Variants in IFT81 observed in about 807,000 individuals in gnomAD.
IFT81 encodes intraflagellar transport 81, also known as intraflagellar transport protein 81 homolog.
Under a neutral mutation model 102.6 loss-of-function variants are expected in IFT81, and 72 were observed. The observed-to-expected ratio is 0.70, with a 90% confidence interval of 0.58 to 0.85. The LOEUF (loss-of-function observed/expected upper bound fraction) is 0.85. Ranked by LOEUF, IFT81 falls within the 40% of genes least tolerant of loss-of-function variation. The pLI, the probability that IFT81 is intolerant of heterozygous loss-of-function variation, is 0.00. For synonymous variants in IFT81, 237 were observed against 242.7 expected (o/e 0.98, Z 0.22); for missense variants, 723 against 787.3 (o/e 0.92, Z 0.98).
intron 11 of IFT81, among the ~76,000 whole-genome samples, chr12:110,176,712 G>A (rs1428842697): frequency 6.6e-6 from 1 of 152,142 alleles, no homozygotes; most frequent in Non-Finnish European, 1.5e-5. Flanking sequence ...GCCACCTATT[G>A]CTTAATCGTA....
chr12:110,172,922 C>A (rs759742853), intron 11 of IFT81, among the ~76,000 whole-genome samples: 1 of 147,220 alleles, frequency 6.8e-6, no homozygotes, highest in African/African-American at 2.5e-5. Context: ...GCCCGGCAGC[C>A]GCCCCGTCCG....
intron 10 of IFT81, among the ~76,000 whole-genome samples, chr12:110,152,399 T>G (rs1251332160): frequency 6.6e-6 from 1 of 152,202 alleles, no homozygotes; most frequent in African/African-American, 2.4e-5. Context: ...CCTTGATGAT[T>G]AGGGATGCTG....
rs560728600 is a variant in IFT81 at position 110,199,738 on chromosome 12, T to C, written c.1558-4126T>C. Among the ~76,000 whole-genome samples the C allele has an allele frequency of 2.0e-5, 3 of 152,242 alleles. No individual in the cohort carries two copies. In the East Asian group the frequency reaches 5.8e-4, roughly 29 times the overall value. ...CTTCCAACAATCTTTTATTCTGTACTAGTGACCCCAGCCCAGATGCAGTCC... is the reference window on the plus strand; with the variant it reads ...CTTCCAACAATCTTTTATTCTGTACCAGTGACCCCAGCCCAGATGCAGTCC... On this transcript the variant is annotated intron_variant, in intron 14 of 18. Coordinates refer to ENST00000242591, the MANE Select transcript of IFT81 (RefSeq NM_014055.4).
chr12:110,142,805 A>C (rs1301011987), intron 8 of IFT81, among the ~76,000 whole-genome samples: 2 of 152,174 alleles, frequency 1.3e-5, no homozygotes, highest in African/African-American at 2.4e-5. Flanking sequence ...CAGGAGGCTA[A>C]GGTGGGAGGA....
At chr12:110,207,556 CTTTT>C (rs896586216) in intron 17 of IFT81, among the ~76,000 whole-genome samples, 1 of 97,188 alleles carries the variant, frequency 1.0e-5, no homozygotes, top group African/African-American at 4.0e-5. Flanking sequence ...GTCCTTCAGT[CTTTT>C]TTTTTTTTTT....
At chr12:110,185,840 T>C (rs1201814161) in intron 12 of IFT81, among the ~76,000 whole-genome samples, 1 of 151,914 alleles carries the variant, frequency 6.6e-6, no homozygotes, top group African/African-American at 2.4e-5. Context: ...GCTCAGGCAA[T>C]CCTCCTACCT....
chr12:110,170,143 T>G (rs1032229234), intron 11 of IFT81, among the ~76,000 whole-genome samples: 2 of 151,540 alleles, frequency 1.3e-5, no homozygotes, highest in African/African-American at 4.8e-5. Flanking sequence ...TTAGTAGAGA[T>G]GGGGTTTCAC....
At chr12:110,129,161 T>C in intron 4 of IFT81, 31 bp downstream of exon 4, 1 of 1,466,892 alleles carries the variant, frequency 6.8e-7, no homozygotes, top group Non-Finnish European at 9.3e-7. Context: ...ACATTGAAAC[T>C]GTAATGGATT....
At chr12:110,144,052 C>T (rs1895049624) in intron 9 of IFT81, among the ~76,000 whole-genome samples, 2 of 144,362 alleles carry the variant, frequency 1.4e-5, no homozygotes, top group South Asian at 4.4e-4. Context: ...CTCTGTTGCC[C>T]AGGCTAGAGT....
intron 5 of IFT81, among the ~76,000 whole-genome samples, chr12:110,132,970 CTTTT>C (rs11349893): frequency 4.8e-5 from 6 of 124,916 alleles, no homozygotes; most frequent in South Asian, 2.4e-4. Flanking sequence ...CTTTCTCTCT[CTTTT>C]TTTTTTTTTT....
intron 18 of IFT81, among the ~76,000 whole-genome samples, chr12:110,212,885 A>G (rs1347369771): frequency 6.6e-6 from 1 of 152,138 alleles, no homozygotes; most frequent in African/African-American, 2.4e-5. Flanking sequence ...TTTCAAAACT[A>G]TATTTTAATC....
chr12:110,183,674 G>A (rs1413461453), intron 12 of IFT81, among the ~76,000 whole-genome samples: 7 of 152,136 alleles, frequency 4.6e-5, no homozygotes, highest in Non-Finnish European at 8.8e-5. Flanking sequence ...TATACTTAGT[G>A]CCTACTCCCA....
chr12:110,159,640 T>C (rs1896034038), intron 10 of IFT81, among the ~76,000 whole-genome samples: 1 of 152,214 alleles, frequency 6.6e-6, no homozygotes, highest in African/African-American at 2.4e-5. Flanking sequence ...ATAATTCCTC[T>C]AGAAGTCACT....
At chr12:110,183,582 G>A (rs1297867984) in intron 12 of IFT81, among the ~76,000 whole-genome samples, 3 of 152,208 alleles carry the variant, frequency 2.0e-5, no homozygotes, top group Admixed American at 1.3e-4. Context: ...ACATCTGCTG[G>A]CCAAATCATC....
intron 5 of IFT81, 106 bp downstream of exon 5, chr12:110,132,742 A>G: frequency 1.8e-6 from 1 of 564,580 alleles, no homozygotes; most frequent in Non-Finnish European, 3.2e-6. Flanking sequence ...GAGACTAGTG[A>G]TAGCAAATGG....
At chr12:110,183,423 G>A (rs928687706) in intron 12 of IFT81, among the ~76,000 whole-genome samples, 1 of 152,172 alleles carries the variant, frequency 6.6e-6, no homozygotes, top group Non-Finnish European at 1.5e-5. Flanking sequence ...CAGGTCAGAC[G>A]TTTGATATTG....
chr12:110,179,457 C>T (rs974331890), intron 11 of IFT81, among the ~76,000 whole-genome samples: 58 of 151,968 alleles, frequency 3.8e-4, no homozygotes, highest in African/African-American at 1.4e-3. Flanking sequence ...CACGGTGACT[C>T]ATGCCTGTAA....
At chr12:110,215,412 G>C (rs373254406) in intron 18 of IFT81, among the ~76,000 whole-genome samples, 4 of 139,684 alleles carry the variant, frequency 2.9e-5, no homozygotes, top group African/African-American at 1.1e-4. Flanking sequence ...GATTATGAAT[G>C]AATTCCTTTC....
At chr12:110,209,281 G>C in intron 18 of IFT81, 65 bp downstream of exon 18, 1 of 676,738 alleles carries the variant, frequency 1.5e-6, no homozygotes, top group East Asian at 3.0e-5. Context: ...ACTGTACATG[G>C]TTTATGACTG....
Sources: allele counts gnomAD v4.1 joint callset (sites outside exome capture counted in the v4.1 genomes callset), GRCh38; gene constraint gnomAD v4.1.1; transcripts MANE v1.5; gene names NCBI Gene and HGNC (gene_info 2026-07-23, HGNC 2026-07-21).